HRH1: variants seen among roughly 807,000 people sequenced by gnomAD.
HRH1 encodes the protein histamine receptor H1.
Under a neutral mutation model 10.3 loss-of-function variants are expected in HRH1, and 6 were observed. The observed-to-expected ratio is 0.58, with a 90% CI of 0.32 to 1.15. The LOEUF (loss-of-function observed/expected upper bound fraction) is 1.15, where lower values mean the gene tolerates loss of function less well. Among genes scored for constraint, HRH1 ranks in the 50% most tolerant of loss-of-function variants. The probability of loss-of-function intolerance (pLI) is 0.05; values close to 1 mark genes in which losing one functional copy is unlikely to be tolerated. For synonymous variants in HRH1, 242 were observed against 236.7 expected, an observed-to-expected ratio of 1.02 and a Z score of -0.21; for missense variants, 514 against 615.3, an observed-to-expected ratio of 0.84 and a Z score of 1.74.
At chr3:11,173,849 A>G (rs181764892) in intron 1 of HRH1, among the ~76,000 whole-genome samples, 2 of 152,324 alleles carry the variant, frequency 1.3e-5, no homozygotes, top group African/African-American at 4.8e-5. Context: ...TGTCTGAGCC[A>G]GGATTCAGTC....
intron 1 of HRH1, among the ~76,000 whole-genome samples, chr3:11,235,053 A>C (rs547882534): frequency 6.6e-6 from 1 of 152,134 alleles, no homozygotes; most frequent in South Asian, 2.1e-4. Flanking sequence ...ATCTCTACTA[A>C]AAATGCAAAA....
chr3:11,197,326 G>A (rs1200783882), intron 1 of HRH1, among the ~76,000 whole-genome samples: 1 of 152,072 alleles, frequency 6.6e-6, no homozygotes, highest in African/African-American at 2.4e-5. Flanking sequence ...TCTCTCCTGG[G>A]CTGTGAGCTT....
chr3:11,164,623 G>T (rs1371929719), intron 1 of HRH1, among the ~76,000 whole-genome samples: 1 of 152,134 alleles, frequency 6.6e-6, no homozygotes, highest in Non-Finnish European at 1.5e-5. Flanking sequence ...AGATGTAGAT[G>T]GTGTTGTGCA....
In HRH1 at chr3:11,168,834, C is replaced by T. The variant is rs923023514; in HGVS notation, c.-36+14280C>T. Among the ~76,000 whole-genome samples the T allele has an allele frequency of 3.9e-5, 6 of 152,210 alleles. No homozygotes were observed. The South Asian group carries it at 1.0e-3, about 26-fold the overall frequency. ...CCTAGCAATGCCCCATCCAGGAACC[C>T]GGGAGTGATGTCTCTCTGGTTGGAG... On this transcript the variant is annotated intron_variant, in intron 1 of 1. Coordinates refer to ENST00000431010, the MANE Select transcript of HRH1 (RefSeq NM_001098212.2).
At chr3:11,218,447 CAAAAAAA>C (rs1026039560) in intron 1 of HRH1, among the ~76,000 whole-genome samples, 5 of 53,976 alleles carry the variant, frequency 9.3e-5, no homozygotes, top group East Asian at 4.3e-4. Context: ...GACTCCATCT[CAAAAAAA>C]AAAAAAAAAA....
At chr3:11,230,310 C>T (rs1376035594) in intron 1 of HRH1, among the ~76,000 whole-genome samples, 1 of 152,178 alleles carries the variant, frequency 6.6e-6, no homozygotes, top group Non-Finnish European at 1.5e-5. Flanking sequence ...TGAGCTCATA[C>T]ACAGAAGAAT....
rs1939967207 is a variant in HRH1 at position 11,261,911 on chromosome 3, A to G, written c.*1410A>G. The G allele has an allele frequency of 6.0e-6, 1 of 167,072 alleles. No homozygotes were observed. Among genetic ancestry groups the G allele is most frequent in the Non-Finnish European group, 1.5e-5 (1 of 68,114 alleles). The allele number at this position is 167,072 out of a possible 1,614,324, so 10.3% of individuals were successfully genotyped here. On this transcript the variant is annotated 3_prime_UTR_variant, in exon 2 of 2. Coordinates refer to ENST00000431010, the MANE Select transcript of HRH1 (RefSeq NM_001098212.2). ...GATACACATACACGGTATTCCCAAG[A>G]GTGGTGGCAGCTCAAAATGATATGT...
At chr3:11,230,475 C>A (rs1200487395) in intron 1 of HRH1, among the ~76,000 whole-genome samples, 1 of 152,178 alleles carries the variant, frequency 6.6e-6, no homozygotes, top group African/African-American at 2.4e-5. Context: ...CGATATATTT[C>A]ACAGTTCCTC....
intron 1 of HRH1, among the ~76,000 whole-genome samples, chr3:11,222,483 T>C (rs1938739007): frequency 6.6e-6 from 1 of 152,174 alleles, no homozygotes; most frequent in Non-Finnish European, 1.5e-5. Context: ...TTTATTCCAC[T>C]TCCTCCAGCA....
intron 1 of HRH1, among the ~76,000 whole-genome samples, chr3:11,198,173 T>C (rs1042306554): frequency 1.3e-5 from 2 of 152,152 alleles, no homozygotes; most frequent in African/African-American, 2.4e-5. Flanking sequence ...CAGTTTGCTG[T>C]TTGCATCCTC....
At chr3:11,253,655 T>C (rs183491430) in intron 1 of HRH1, among the ~76,000 whole-genome samples, 1 of 152,316 alleles carries the variant, frequency 6.6e-6, no homozygotes, top group Non-Finnish European at 1.5e-5. Context: ...AGGTCTCTCA[T>C]ATTTCCTTGA....
In HRH1 at chr3:11,190,641, C is replaced by T. The variant is rs1937518588; in HGVS notation, c.-36+36087C>T. Among the ~76,000 whole-genome samples, 3 of 152,088 alleles carry T rather than the reference C, an allele frequency of 2.0e-5. No homozygotes were observed. In the South Asian group the frequency reaches 6.2e-4, roughly 31 times the overall value. ...CTCCTGAGCTCAGACAATCTGCCCA[C>T]CTCAGTCTCCCAAAGTGCTGGGATT... On this transcript the variant is annotated intron_variant, in intron 1 of 1. Coordinates refer to ENST00000431010, the MANE Select transcript of HRH1 (RefSeq NM_001098212.2).
At chr3:11,182,734 G>A (rs6803158) in intron 1 of HRH1, among the ~76,000 whole-genome samples, 2,547 of 152,218 alleles carry the variant, frequency 0.017, 67 homozygotes, top group African/African-American at 0.057. Flanking sequence ...CATCCTGCCC[G>A]TATCCTGTTC....
At chr3:11,243,990 G>T (rs912265683) in intron 1 of HRH1, among the ~76,000 whole-genome samples, 1 of 152,158 alleles carries the variant, frequency 6.6e-6, no homozygotes, top group African/African-American at 2.4e-5. Context: ...ATTAGGATTC[G>T]AGTTGGCTGT....
intron 1 of HRH1, among the ~76,000 whole-genome samples, chr3:11,174,860 T>C (rs1937219447): frequency 6.6e-6 from 1 of 152,142 alleles, no homozygotes; most frequent in African/African-American, 2.4e-5. Context: ...TGGAAGCCAT[T>C]GTGGGGTCTG....
chr3:11,148,122 G>A (rs921618818), intron 1 of HRH1, among the ~76,000 whole-genome samples: 1 of 151,234 alleles, frequency 6.6e-6, no homozygotes. Context: ...GGAGGTTGCA[G>A]TGAGCTGAGA....
chr3:11,212,711 C>CCATTCG (rs1938367448), intron 1 of HRH1, among the ~76,000 whole-genome samples: 1 of 152,212 alleles, frequency 6.6e-6, no homozygotes, highest in Admixed American at 6.5e-5. Context: ...CATTCATTCA[C>CCATTCG]GTAATCCATC....
At chr3:11,165,087 C>T (rs970506013) in intron 1 of HRH1, among the ~76,000 whole-genome samples, 1 of 152,174 alleles carries the variant, frequency 6.6e-6, no homozygotes, top group Non-Finnish European at 1.5e-5. Flanking sequence ...CATTCTCATA[C>T]GAGAAAGCAC....
At chr3:11,142,024 C>T (rs62239692) in intron 1 of HRH1, among the ~76,000 whole-genome samples, 1 of 152,220 alleles carries the variant, frequency 6.6e-6, no homozygotes, top group African/African-American at 2.4e-5. Context: ...ACCAACTGTA[C>T]TAGATATGGG....
Sources: allele counts gnomAD v4.1 joint callset (sites outside exome capture counted in the v4.1 genomes callset), GRCh38; gene constraint gnomAD v4.1.1; transcripts MANE v1.5; gene names NCBI Gene and HGNC (gene_info 2026-07-23, HGNC 2026-07-21).